Variants in ZFP28 observed in about 807,000 individuals in gnomAD.
ZFP28 encodes the protein zinc finger protein 28 homolog.
In ZFP28, 31 loss-of-function variants were observed where a neutral mutation model predicts 39.5. The observed-to-expected ratio is 0.79, with a 90% CI of 0.59 to 1.06. The LOEUF (loss-of-function observed/expected upper bound fraction) is 1.06. Among genes scored for constraint, ZFP28 ranks in the 50% least tolerant of loss-of-function variants. ZFP28 has a pLI of 0.00. For synonymous variants in ZFP28, 400 were observed against 378.6 expected (o/e 1.06, Z -0.66); for missense variants, 925 against 1,048.4 (o/e 0.88, Z 1.63).
chr19:56,555,290 T>C lies in ZFP28; in HGVS notation c.2505T>C (p.His835=). The C allele has an allele frequency of 6.2e-7, 1 of 1,614,186 alleles. No homozygotes were observed. Among genetic ancestry groups the C allele is most frequent in the Non-Finnish European group, 8.5e-7 (1 of 1,180,042 alleles). Residue 835 remains histidine, a synonymous_variant, in exon 8 of 8, where the codon CAT becomes CAC. Coordinates refer to ENST00000301318, the MANE Select transcript of ZFP28 (RefSeq NM_020828.2). ...TAHLAHHQRI[H]TGESSTCPSL... is the part of the protein sequence containing the mutation. The stretch of plus-strand genomic sequence containing the variant: ...ACTTAGCTCATCATCAGCGAATTCA[T>C]ACTGGAGAGTCGTCAACATGCCCCT...
chr19:56,544,282 G>A (rs954714921), intron 2 of ZFP28, among the ~76,000 whole-genome samples: 1 of 152,190 alleles, frequency 6.6e-6, no homozygotes, highest in African/African-American at 2.4e-5. Context: ...ACCTCCTTTT[G>A]TGTGGCCCAC....
Position 56,554,129 on chromosome 19 carries a change from T to C in ZFP28, c.1344T>C (p.Tyr448=), listed in dbSNP as rs959310746. The change falls in exon 8 of 8, where the codon TAT becomes TAC. Residue 448 remains tyrosine (Y), a synonymous_variant. Coordinates refer to ENST00000301318, the MANE Select transcript of ZFP28 (RefSeq NM_020828.2). This position sits in a 1 kb window ranked among gnomAD's most constrained non-coding sequence, Gnocchi z 6.7. ...GAATTCACACTGGAGAGAAACCTTA[T>C]AAATGTAATGAATGTGGGAAGGCCT... ...HQRIHTGEKP[Y]KCNECGKAFS... 6.2e-7 allele frequency: 1 copy of C among 1,614,146 alleles called. No individual in the cohort carries two copies. Among genetic ancestry groups the C allele is most frequent in the Non-Finnish European group, 8.5e-7 (1 of 1,180,018 alleles).
Position 56,553,909 on chromosome 19 carries a change from C to T in ZFP28, c.1124C>T (p.Thr375Ile). 2 of 1,614,078 alleles carry T rather than the reference C, an allele frequency of 1.2e-6. No homozygotes were observed. Among genetic ancestry groups the T allele is most frequent in the Non-Finnish European group, 1.7e-6 (2 of 1,180,008 alleles). Reference protein sequence around the residue: ...NKTLSKERERTYNKSGRWFYL... With the variant: ...NKTLSKERERIYNKSGRWFYL... ...ACCCTCTCTAAGGAAAGAGAACGTA[C>T]ATATAACAAATCTGGAAGATGGTTC... Residue 375 changes from threonine to isoleucine, a missense_variant, in exon 8 of 8, where the codon ACA becomes ATA. Thr to Ile is a moderately conservative substitution (Grantham distance 89). This residue lies in a region of ZFP28 where 556 missense variants were observed against 542.9 expected (regional missense o/e 1.02). Transcript: ENST00000301318.
In ZFP28 at chr19:56,547,762, C is replaced by G. The variant is rs749317976; in HGVS notation, c.428-45C>G. The G allele has an allele frequency of 1.2e-6, 2 of 1,609,640 alleles. No individual in the cohort carries two copies. Among genetic ancestry groups the G allele is most frequent in the Admixed American group, 3.3e-5 (2 of 59,794 alleles). ...CAAGCCAAGGGGACTGCATCTCAGT[C>G]TGGACAGCCACACAGTATGACCAGG... On this transcript the variant is annotated intron_variant, in intron 3 of 7. Transcript: ENST00000301318. This position sits in a 1 kb window ranked among gnomAD's most constrained non-coding sequence, Gnocchi z 4.6.
chr19:56,549,045 G>C lies in ZFP28; in HGVS notation c.611G>C (p.Arg204Thr), dbSNP rs772793088. Residue 204 changes from arginine to threonine, a missense_variant, in exon 5 of 8, where the codon AGA (arginine) becomes ACA (threonine). Physicochemically the swap from Arg to Thr is moderately conservative, Grantham distance 71. This residue lies in a region of ZFP28 where 556 missense variants were observed against 542.9 expected (regional missense o/e 1.02). Transcript: ENST00000301318. ...CTATCCCAGGCAGTGATAACAGAGA[G>C]ACTCACAAGCTATAATCTGGAGTAC... ...GKLSQAVITE[R>T]LTSYNLEYSL... The C allele has an allele frequency of 6.6e-5, 106 of 1,613,998 alleles. No individual in the cohort carries two copies. Among genetic ancestry groups the C allele is most frequent in the Non-Finnish European group, 8.6e-5 (101 of 1,180,024 alleles).
At position 56,555,579 on chromosome 19, in the gene ZFP28, C is replaced by A; in HGVS notation, c.*187C>A. On this transcript the variant is annotated 3_prime_UTR_variant, in exon 8 of 8. Transcript: ENST00000301318. ...TGTGTGAGATGTGCTCAGCACAGTG[C>A]CTGGTCCATAGTAAGTGCTCAGTAA... 1.3e-6 allele frequency: 1 copy of A among 778,052 alleles called. No individual in the cohort carries two copies. Among genetic ancestry groups the A allele is most frequent in the Non-Finnish European group, 1.9e-6 (1 of 514,632 alleles). The allele number at this position is 778,052 out of a possible 1,614,324, so 48.2% of individuals were successfully genotyped here. A position where few individuals can be genotyped will look rare whatever the true frequency, so the allele number is the denominator to read the frequency against.
At chr19:56,550,701 C>A (rs773098293) in intron 7 of ZFP28, 96 bp downstream of exon 7, 1 of 1,596,976 alleles carries the variant, frequency 6.3e-7, no homozygotes, top group Non-Finnish European at 8.5e-7. Flanking sequence ...CAGTAGGAAA[C>A]TTTACCCAGG....
At chr19:56,551,710 G>A (rs2044305332) in intron 7 of ZFP28, 1 of 984,392 alleles carries the variant, frequency 1.0e-6, no homozygotes. Context: ...ATTATTTGTT[G>A]AAAGATTATA....
rs377281634 is a variant in ZFP28, at chr19:56,555,010, C to T, written c.2225C>T (p.Ser742Phe). Reference protein sequence around the residue: ...IECGKAFKTKSSLICHRRSHT... With the variant: ...IECGKAFKTKFSLICHRRSHT... ...TGTGGAAAGGCATTCAAGACAAAAT[C>T]CTCCCTTATTTGTCATCGCAGAAGT... is the stretch of plus-strand genomic sequence containing the variant. The change falls in exon 8 of 8, where the codon TCC becomes TTC. Residue 742 changes from serine to phenylalanine, a missense_variant. Ser to Phe is a radical substitution (Grantham distance 155). Around this residue, in one of 2 missense-constraint regions of ZFP28, gnomAD observed 369 missense variants for 505.5 expected, o/e 0.73. Coordinates refer to ENST00000301318, the MANE Select transcript of ZFP28 (RefSeq NM_020828.2). The T allele has an allele frequency of 4.8e-5, 77 of 1,613,950 alleles. No homozygotes were observed. The highest frequency in any genetic ancestry group is 6.1e-5 in the Non-Finnish European group (72 of 1,180,026).
rs2044281301 is a variant in ZFP28 at position 56,549,999 on chromosome 19, C to T, written c.688-68C>T. On this transcript the variant is annotated intron_variant, in intron 5 of 7. Coordinates refer to ENST00000301318, the MANE Select transcript of ZFP28 (RefSeq NM_020828.2). ...CCTTTTTTGCAGTGTGGACACAGTC[C>T]ATCCCACTGAGACCAGGTGAGTTCA... The T allele has an allele frequency of 3.0e-5, 39 of 1,309,812 alleles. 1 individual carries two copies. The highest frequency in any genetic ancestry group is 3.6e-5 in the Non-Finnish European group (34 of 932,074). 81.1% of individuals were successfully genotyped at this position (1,309,812 alleles called of 1,614,324 possible).
rs1041861161 is a variant in ZFP28, at chr19:56,556,042, T to A, written c.*650T>A. On this transcript the variant is annotated 3_prime_UTR_variant, in exon 8 of 8. Transcript: ENST00000301318. ...TTGACTTGTTTAAAAATCACATTTA[T>A]AAGTGAACCGTATTAAAACTTTTAA... 1 of 152,250 alleles carries A rather than the reference T, an allele frequency of 6.6e-6. No individual in the cohort carries two copies. The highest frequency in any genetic ancestry group is 1.5e-5 in the Non-Finnish European group (1 of 68,064). The allele number at this position is 152,250 out of a possible 1,614,324, so 9.4% of individuals were successfully genotyped here. A position where few individuals can be genotyped will look rare whatever the true frequency, so the allele number is the denominator to read the frequency against.
Position 56,555,015 on chromosome 19 carries a change from C to T in ZFP28, c.2230C>T (p.Leu744Phe). ...CGKAFKTKSS[L>F]ICHRRSHTGE... ...AAAGGCATTCAAGACAAAATCCTCC[C>T]TTATTTGTCATCGCAGAAGTCATAC... The change falls in exon 8 of 8, where the codon CTT (leucine) becomes TTT (phenylalanine). Residue 744 changes from leucine to phenylalanine, a missense_variant. By Grantham distance (22) the Leu-to-Phe change is conservative. This residue lies in a region of ZFP28 where 369 missense variants were observed against 505.5 expected (regional missense o/e 0.73). Coordinates refer to ENST00000301318, the MANE Select transcript of ZFP28 (RefSeq NM_020828.2). 6.2e-7 allele frequency: 1 copy of T among 1,614,112 alleles called. No homozygotes were observed. Among genetic ancestry groups the T allele is most frequent in the Non-Finnish European group, 8.5e-7 (1 of 1,180,014 alleles).
intron 5 of ZFP28, among the ~76,000 whole-genome samples, chr19:56,549,848 C>G (rs540331490): frequency 6.6e-6 from 1 of 152,222 alleles, no homozygotes; most frequent in East Asian, 1.9e-4. Context: ...GTATGACAAA[C>G]TCTCCATAGC....
intron 2 of ZFP28, chr19:56,546,278 A>C (rs918853963): frequency 2.0e-5 from 3 of 152,230 alleles, no homozygotes; most frequent in Non-Finnish European, 4.4e-5. Context: ...CACAGCTGCT[A>C]GTCAGTTAAA....
intron 7 of ZFP28, chr19:56,551,678 A>G (rs967757140): frequency 2.3e-5 from 23 of 985,206 alleles, no homozygotes; most frequent in Non-Finnish European, 2.5e-5. Context: ...AGTATTGGTT[A>G]TTTACATGAA....
chr19:56,552,765 T>C (rs1438147850), intron 7 of ZFP28: 1 of 152,230 alleles, frequency 6.6e-6, no homozygotes, highest in Non-Finnish European at 1.5e-5. Flanking sequence ...ATTTGAATCA[T>C]ATAATACATT....
intron 2 of ZFP28, among the ~76,000 whole-genome samples, chr19:56,541,784 C>G (rs1458819542): frequency 6.6e-6 from 1 of 151,102 alleles, no homozygotes; most frequent in East Asian, 1.9e-4. Context: ...GGCTGGAGTA[C>G]AGTGGCGTGA....
At chr19:56,551,500 T>G (rs539624168) in intron 7 of ZFP28, 96 of 984,856 alleles carry the variant, frequency 9.7e-5, no homozygotes, top group Non-Finnish European at 1.1e-4. Context: ...GCTTTACATT[T>G]CTTAGTATTA....
intron 7 of ZFP28, chr19:56,551,291 G>A: frequency 1.0e-6 from 1 of 986,832 alleles, no homozygotes; most frequent in South Asian, 4.7e-5. Flanking sequence ...GAAAATAATG[G>A]TTTGTAGAAA....
Sources: gnomAD v4.1 joint callset for allele counts (sites outside exome capture counted in the v4.1 genomes callset) on GRCh38, gnomAD v4.1.1 for gene constraint, gnomAD v4.1.1 regional missense constraint, Gnocchi (gnomAD v3.1) non-coding constraint, MANE v1.5 for transcripts, NCBI Gene and HGNC (gene_info 2026-07-23, HGNC 2026-07-21) for gene names.